The following H2BN1 variants were observed in gnomAD, a reference collection of about 807,000 sequenced individuals.
H2BN1 encodes the protein histone H2B.N.
chr17:32,898,215 T>C, the H2BN1 span, among the ~76,000 whole-genome samples: 7 of 152,094 alleles, frequency 4.6e-5, no homozygotes, highest in Non-Finnish European at 1.0e-4. Flanking sequence ...GTCCAAGGTG[T>C]TAGGGGCACA....
the H2BN1 span, among the ~76,000 whole-genome samples, chr17:32,901,414 C>T: frequency 2.6e-5 from 4 of 152,182 alleles, no homozygotes; most frequent in African/African-American, 7.2e-5. Context: ...AAAATCAGCC[C>T]TTAAAAATCT....
the H2BN1 span, among the ~76,000 whole-genome samples, chr17:32,897,386 C>G: frequency 6.6e-6 from 1 of 151,142 alleles, no homozygotes; most frequent in East Asian, 1.9e-4. Context: ...CACACACACA[C>G]ACACACACAG....
At chr17:32,904,256 C>T in the H2BN1 span, among the ~76,000 whole-genome samples, 1 of 152,162 alleles carries the variant, frequency 6.6e-6, no homozygotes. Context: ...AACAACAGTT[C>T]AGTTCCTCAT....
the H2BN1 span, among the ~76,000 whole-genome samples, chr17:32,896,007 T>A: frequency 6.6e-6 from 1 of 152,084 alleles, no homozygotes; most frequent in Non-Finnish European, 1.5e-5. Flanking sequence ...AAATGATTCT[T>A]CCACCTCAAC....
At chr17:32,904,470 C>T in the H2BN1 span, among the ~76,000 whole-genome samples, 1 of 152,184 alleles carries the variant, frequency 6.6e-6, no homozygotes, top group Non-Finnish European at 1.5e-5. Flanking sequence ...CACCATTACA[C>T]ACATCAAGGT....
chr17:32,904,515 C>T, the H2BN1 span, among the ~76,000 whole-genome samples: 1 of 152,132 alleles, frequency 6.6e-6, no homozygotes, highest in African/African-American at 2.4e-5. Context: ...ACCTCTGGTA[C>T]CCCCAAAGCC....
At chr17:32,906,157 C>T in the H2BN1 span, 1 of 152,204 alleles carries the variant, frequency 6.6e-6, no homozygotes, top group East Asian at 1.9e-4. Context: ...GAAGCCTTTA[C>T]TTCTGTCTCA....
chr17:32,898,264 A>G, the H2BN1 span, among the ~76,000 whole-genome samples: 4 of 152,182 alleles, frequency 2.6e-5, no homozygotes, highest in African/African-American at 4.8e-5. Flanking sequence ...TGAGACATCA[A>G]TCAATATGTT....
At chr17:32,897,679 A>T in the H2BN1 span, among the ~76,000 whole-genome samples, 1 of 152,140 alleles carries the variant, frequency 6.6e-6, no homozygotes, top group African/African-American at 2.4e-5. Context: ...GCCTTACAGG[A>T]TGGATAGGAT....
the H2BN1 span, among the ~76,000 whole-genome samples, chr17:32,898,250 G>A: frequency 6.6e-6 from 1 of 152,168 alleles, no homozygotes; most frequent in Admixed American, 6.5e-5. Context: ...ATTTTAGGGA[G>A]ACATGAGACA....
chr17:32,902,221 CAGA>C, the H2BN1 span, among the ~76,000 whole-genome samples: 2 of 151,892 alleles, frequency 1.3e-5, no homozygotes, highest in Non-Finnish European at 2.9e-5. Flanking sequence ...TTAAATTAGA[CAGA>C]AGTCATTTAC....
chr17:32,902,444 C>T, the H2BN1 span, among the ~76,000 whole-genome samples: 23 of 152,244 alleles, frequency 1.5e-4, no homozygotes, highest in African/African-American at 5.3e-4. Flanking sequence ...ACCTTACTGC[C>T]TGTAGACTAG....
At chr17:32,904,536 G>T in the H2BN1 span, among the ~76,000 whole-genome samples, 1 of 152,124 alleles carries the variant, frequency 6.6e-6, no homozygotes, top group Non-Finnish European at 1.5e-5. Flanking sequence ...AAAGAGGTCA[G>T]GTCATGTAAT....
chr17:32,898,094 A>T, the H2BN1 span, among the ~76,000 whole-genome samples: 3 of 152,126 alleles, frequency 2.0e-5, no homozygotes, highest in Non-Finnish European at 4.4e-5. Flanking sequence ...GCTGATAGGT[A>T]CTGTGGACCC....
the H2BN1 span, among the ~76,000 whole-genome samples, chr17:32,895,560 G>T: frequency 6.6e-6 from 1 of 152,192 alleles, no homozygotes; most frequent in African/African-American, 2.4e-5. Context: ...AGAAAGAAGA[G>T]GAGGAAGGAA....
the H2BN1 span, among the ~76,000 whole-genome samples, chr17:32,903,870 G>A: frequency 2.0e-5 from 3 of 152,068 alleles, no homozygotes; most frequent in Non-Finnish European, 4.4e-5. Flanking sequence ...TTCTGAAGAG[G>A]GGGAACTGAG....
the H2BN1 span, among the ~76,000 whole-genome samples, chr17:32,901,286 T>C: frequency 6.6e-6 from 1 of 152,182 alleles, no homozygotes; most frequent in Non-Finnish European, 1.5e-5. Flanking sequence ...AAGGAGTCAG[T>C]TAATGTTTCA....
chr17:32,902,606 C>A, the H2BN1 span, among the ~76,000 whole-genome samples: 402 of 152,136 alleles, frequency 2.6e-3, 1 homozygote, highest in African/African-American at 8.8e-3. Context: ...TTTGGGAAGC[C>A]GAGGCAGGCG....
the H2BN1 span, among the ~76,000 whole-genome samples, chr17:32,905,296 A>G: frequency 6.6e-6 from 1 of 152,360 alleles, no homozygotes; most frequent in Admixed American, 6.5e-5. Flanking sequence ...GTTCTTGACT[A>G]AATTTGGGGA....
Sources: gnomAD v4.1 joint callset for allele counts (sites outside exome capture counted in the v4.1 genomes callset) on GRCh38, gnomAD v4.1.1 for gene constraint, MANE v1.5 for transcripts, NCBI Gene and HGNC (gene_info 2026-07-23, HGNC 2026-07-21) for gene names.